NOL6: variants seen among roughly 807,000 people sequenced by gnomAD.
NOL6 encodes the protein nucleolar protein 6.
Under a neutral mutation model 131.7 loss-of-function variants are expected in NOL6, and 33 were observed. The observed-to-expected ratio is 0.25, with a 90% CI of 0.19 to 0.33. NOL6 has a LOEUF of 0.33. Ranked by LOEUF, NOL6 falls within the 10% of genes least tolerant of loss-of-function variation. The probability of loss-of-function intolerance (pLI) is 1.00; values close to 1 mark genes in which losing one functional copy is unlikely to be tolerated. For synonymous variants in NOL6, 580 were observed against 605.7 expected (o/e 0.96, Z 0.62); for missense variants, 1,297 against 1,494.5 (o/e 0.87, Z 2.18).
In NOL6 at chr9:33,469,582, G is replaced by A; in HGVS notation, c.644C>T (p.Ala215Val). 6.2e-7 allele frequency: 1 copy of A among 1,610,834 alleles called. No individual in the cohort carries two copies. Residue 215 changes from alanine to valine, a missense_variant, in exon 5 of 26, where the codon GCC (alanine) becomes GTC (valine). By Grantham distance (64) the Ala-to-Val change is moderately conservative (BLOSUM62 0). Transcript: ENST00000297990. ...LYLAHLAHHL[A>V]QDPLFGSVCF... ...AACACTGCCAAAGAGGGGGTCCTGG[G>A]CCAGGTGGTGAGCCAAGTGGGCCAG...
rs762448804 is a variant in NOL6 at position 33,467,701 on chromosome 9, G to A, written c.1592C>T (p.Pro531Leu). The change falls in exon 12 of 26, where the codon CCA becomes CTA. Residue 531 changes from proline (P) to leucine (L), a missense_variant. By Grantham distance (98) the Pro-to-Leu change is moderately conservative. Coordinates refer to ENST00000297990, the MANE Select transcript of NOL6 (RefSeq NM_022917.5). This position sits in a 1 kb window ranked among gnomAD's most constrained non-coding sequence, Gnocchi z 4.4. ...CCTACACCACCTCACCTCTGGGACT[G>A]GGGGTCGAGAGTGAGCCAGCAGGTT... ...RLNLLAHSRP[P>L]VPEWDISQDP... 4 of 1,565,540 alleles carry A rather than the reference G, an allele frequency of 2.6e-6. No individual in the cohort carries two copies. The highest frequency in any genetic ancestry group is 3.8e-5 in the Admixed American group (2 of 53,008).
At chr9:33,470,520 G>T (rs996542367) in intron 3 of NOL6, 1 of 160,802 alleles carries the variant, frequency 6.2e-6, no homozygotes, top group South Asian at 2.0e-4. Context: ...GTGAAACCCC[G>T]TCTCTACAAA....
In NOL6 at chr9:33,469,998, AC is replaced by A. The variant is rs756363339; in HGVS notation, c.558+13del. ...CAGGTGGTGGGCCTCTATCCCCTAA[AC>A]CCTGGACCTTACCCTGGGCATGGTC... On this transcript the variant is annotated intron_variant, in intron 4 of 25. Coordinates refer to ENST00000297990, the MANE Select transcript of NOL6 (RefSeq NM_022917.5). The A allele has an allele frequency of 3.8e-6, 6 of 1,565,588 alleles. No homozygotes were observed. Among genetic ancestry groups the A allele is most frequent in the South Asian group, 1.2e-5 (1 of 84,818 alleles).
intron 23 of NOL6, 34 bp downstream of exon 23, chr9:33,463,797 G>C (rs780752073): frequency 6.2e-7 from 1 of 1,605,270 alleles, no homozygotes; most frequent in Non-Finnish European, 8.5e-7. Flanking sequence ...AGAATCCCCA[G>C]AGGCCCTGGA....
rs530248326 is a variant in NOL6, at chr9:33,462,237, G to C, written c.*427C>G. 2.7e-5 allele frequency: 19 copies of C among 716,818 alleles called. No individual in the cohort carries two copies. The highest frequency in any genetic ancestry group is 4.7e-5 in the Non-Finnish European group (18 of 385,096). 44.4% of individuals were successfully genotyped at this position (716,818 alleles called of 1,614,324 possible). A position where few individuals can be genotyped will look rare whatever the true frequency, so the allele number is the denominator to read the frequency against. On this transcript the variant is annotated 3_prime_UTR_variant, in exon 26 of 26. Transcript: ENST00000297990. ...TCTAAAGGCCTGACACTGCAGTGAA[G>C]GGCATGCTAAGTCTAGGCACAGGTC...
rs770885820 is a variant in NOL6 at position 33,469,329 on chromosome 9, C to A, written c.740G>T (p.Arg247Leu). 3 of 1,614,032 alleles carry A rather than the reference C, an allele frequency of 1.9e-6. No homozygotes were observed. Among genetic ancestry groups the A allele is most frequent in the East Asian group, 2.2e-5 (1 of 44,860 alleles). ...CGGATGCAGACGTACAGTGACCAGG[C>A]GCTCATCCTTTCCTGCCAGAGACAG... The part of the protein sequence containing the change: ...LLLRPRGKDE[R>L]LVTVRLHPCP... Residue 247 changes from arginine to leucine, a missense_variant, in exon 6 of 26, where the codon CGC (arginine) becomes CTC (leucine). Arg to Leu is a moderately radical substitution (Grantham distance 102, BLOSUM62 -2). Coordinates refer to ENST00000297990, the MANE Select transcript of NOL6 (RefSeq NM_022917.5).
Position 33,462,562 on chromosome 9 carries a change from T to C in NOL6, c.*102A>G, listed in dbSNP as rs1827126614. 6 of 1,361,888 alleles carry C rather than the reference T, an allele frequency of 4.4e-6. No individual in the cohort carries two copies. In the South Asian group the frequency reaches 6.7e-5, roughly 15 times the overall value. 84.4% of individuals were successfully genotyped at this position (1,361,888 alleles called of 1,614,324 possible). On this transcript the variant is annotated 3_prime_UTR_variant, in exon 26 of 26. Transcript: ENST00000297990. ...GCATGTTCAGCCAGCAGGCCCTCCA[T>C]GGAGGATTCATGTCCAAGGAGGGTG...
chr9:33,463,682 G>A (rs2119007499), intron 23 of NOL6, 149 bp downstream of exon 23: 3 of 895,830 alleles, frequency 3.3e-6, no homozygotes, highest in Non-Finnish European at 5.0e-6. Flanking sequence ...CCCAGGCTCT[G>A]CCACCCCAGG....
Position 33,466,166 on chromosome 9 carries a change from C to G in NOL6, c.2269G>C (p.Val757Leu), listed in dbSNP as rs945289619. The G allele has an allele frequency of 6.2e-7, 1 of 1,613,130 alleles. No homozygotes were observed. Among genetic ancestry groups the G allele is most frequent in the African/African-American group, 1.3e-5 (1 of 74,934 alleles). ...AGGCGCAGCTGGAAGGCAGCTCGGA[C>G]CCGCTGCACGGCCTCAGCGTCCTGT... Reference protein sequence around the residue: ...WPQDAEAVQRVRAAFQLRLAE... With the variant: ...WPQDAEAVQRLRAAFQLRLAE... The change falls in exon 18 of 26, where the codon GTC becomes CTC. Residue 757 changes from valine to leucine, a missense_variant. Physicochemically the swap from Val to Leu is conservative, Grantham distance 32. Coordinates refer to ENST00000297990, the MANE Select transcript of NOL6 (RefSeq NM_022917.5).
At chr9:33,472,150 A>AG (rs1408621230) in intron 2 of NOL6, 30 bp from the exon 3 acceptor site, 1 of 1,613,122 alleles carries the variant, frequency 6.2e-7, no homozygotes, top group South Asian at 1.1e-5. Flanking sequence ...ACAGTCCATC[A>AG]GCCTCAGGGT....
At position 33,469,568 on chromosome 9, in the gene NOL6, A is replaced by C; in HGVS notation, c.658T>G (p.Phe220Val). ...GTGTAGGAGAAGCAAACACTGCCAA[A>C]GAGGGGGTCCTGGGCCAGGTGGTGA... Reference protein sequence around the residue: ...LAHHLAQDPLFGSVCFSYTNG... With the variant: ...LAHHLAQDPLVGSVCFSYTNG... The change falls in exon 5 of 26, where the codon TTT becomes GTT. Residue 220 changes from phenylalanine (F) to valine (V), a missense_variant. Coordinates refer to ENST00000297990, the MANE Select transcript of NOL6 (RefSeq NM_022917.5). The C allele has an allele frequency of 6.2e-7, 1 of 1,608,460 alleles. No homozygotes were observed. Among genetic ancestry groups the C allele is most frequent in the South Asian group, 1.1e-5 (1 of 90,218 alleles).
At position 33,472,224 on chromosome 9, in the gene NOL6, G is replaced by A. The variant is rs937912419; in HGVS notation, c.243C>T (p.Ser81=). 6.2e-7 allele frequency: 1 copy of A among 1,614,214 alleles called. No individual in the cohort carries two copies. Among genetic ancestry groups the A allele is most frequent in the Non-Finnish European group, 8.5e-7 (1 of 1,180,022 alleles). Residue 81 remains serine, a synonymous_variant, in exon 2 of 26, where the codon TCC becomes TCT. Coordinates refer to ENST00000297990, the MANE Select transcript of NOL6 (RefSeq NM_022917.5). The stretch of plus-strand genomic sequence containing the variant: ...ACAGTACCTGTAAACGAAGCAAGCT[G>A]GAGTGGAACAAGATCTCAGTCTCCC... ...RLRETEILFH[S]SLLRLQVEEL...
chr9:33,473,079 CA>C (rs1827459329), intron 1 of NOL6, among the ~76,000 whole-genome samples: 2 of 152,050 alleles, frequency 1.3e-5, no homozygotes, highest in African/African-American at 4.8e-5. Context: ...TGGGACTTCT[CA>C]AATGTCTTTC....
Position 33,473,832 on chromosome 9 carries a change from G to A in NOL6, c.11C>T (p.Ala4Val), listed in dbSNP as rs931580810. Residue 4 changes from alanine to valine, a missense_variant, in exon 1 of 26, where the codon GCG (alanine) becomes GTG (valine). Ala to Val is a moderately conservative substitution (Grantham distance 64). Transcript: ENST00000297990. ...TCCGCGAAGCTGCTCTCCAGCTGGC[G>A]CCGGCCCCATCACTCAGGGTCCAGC... MGP[A>V]PAGEQLRGAT... The A allele has an allele frequency of 1.9e-6, 3 of 1,611,118 alleles. No individual in the cohort carries two copies. The highest frequency in any genetic ancestry group is 1.7e-6 in the Non-Finnish European group (2 of 1,180,018).
rs1404892494 is a variant in NOL6, at chr9:33,468,804, G to C, written c.1095C>G (p.Ile365Met). 6.2e-7 allele frequency: 1 copy of C among 1,614,154 alleles called. No homozygotes were observed. Among genetic ancestry groups the C allele is most frequent in the East Asian group, 2.2e-5 (1 of 44,872 alleles). Reference protein sequence around the residue: ...LVVFLVSTRKIHTTMSGYQVL... With the variant: ...LVVFLVSTRKMHTTMSGYQVL... Reference sequence around the variant, plus strand: ...CCTGGTAGCCACTCATGGTGGTATGGATCTTGCGTGTAGACACAAGGAAGA... The same window carrying C: ...CCTGGTAGCCACTCATGGTGGTATGCATCTTGCGTGTAGACACAAGGAAGA... Residue 365 changes from isoleucine to methionine, a missense_variant, in exon 8 of 26, where the codon ATC becomes ATG. Ile to Met is a conservative substitution (Grantham distance 10, BLOSUM62 1). Transcript: ENST00000297990.
rs1350233052 is a variant in NOL6, at chr9:33,468,306, G to A, written c.1308+15C>T. The A allele has an allele frequency of 3.1e-6, 5 of 1,612,690 alleles. No homozygotes were observed. In the South Asian group the frequency reaches 5.5e-5, roughly 18 times the overall value. On this transcript the variant is annotated intron_variant, in intron 10 of 25. Coordinates refer to ENST00000297990, the MANE Select transcript of NOL6 (RefSeq NM_022917.5). The stretch of plus-strand genomic sequence containing the variant: ...TGAGACATCAGGGGAACACAGATTG[G>A]GGGCCCATTGGTACCTGGTGGTAAG...
intron 1 of NOL6, 96 bp downstream of exon 1, chr9:33,473,693 G>T: frequency 2.1e-6 from 3 of 1,439,114 alleles, no homozygotes; most frequent in Non-Finnish European, 2.9e-6. Context: ...CGCCGGCATG[G>T]CTTTCACCCG....
At position 33,467,678 on chromosome 9, in the gene NOL6, T is replaced by C. The variant is rs1446873602; in HGVS notation, c.1602+13A>G. 3 of 1,553,744 alleles carry C rather than the reference T, an allele frequency of 1.9e-6. No individual in the cohort carries two copies. Among genetic ancestry groups the C allele is most frequent in the Non-Finnish European group, 2.6e-6 (3 of 1,150,414 alleles). Reference sequence around the variant, plus strand: ...CAACTCAGACCCAAACTCCCCAACCTACACCACCTCACCTCTGGGACTGGG... The same window carrying C: ...CAACTCAGACCCAAACTCCCCAACCCACACCACCTCACCTCTGGGACTGGG... On this transcript the variant is annotated intron_variant, in intron 12 of 25. Transcript: ENST00000297990. This position sits in a 1 kb window ranked among gnomAD's most constrained non-coding sequence, Gnocchi z 4.4.
At chr9:33,472,803 T>C (rs1488088137) in intron 1 of NOL6, 1 of 272,410 alleles carries the variant, frequency 3.7e-6, no homozygotes, top group South Asian at 4.0e-5. Context: ...GGAAACTCCG[T>C]CTCTATTAAA....
Sources: gnomAD v4.1 joint callset for allele counts (sites outside exome capture counted in the v4.1 genomes callset) on GRCh38, gnomAD v4.1.1 for gene constraint, Gnocchi (gnomAD v3.1) non-coding constraint, MANE v1.5 for transcripts, NCBI Gene and HGNC (gene_info 2026-07-23, HGNC 2026-07-21) for gene names.